PCDH15: variants seen among roughly 807,000 people sequenced by gnomAD.
The protein encoded by PCDH15 is protocadherin-15.
Under a neutral mutation model 178.5 loss-of-function variants are expected in PCDH15, and 129 were observed. That is an observed-to-expected ratio of 0.72 (90% CI 0.63 to 0.84). The LOEUF is 0.84. Among genes scored for constraint, PCDH15 ranks in the 40% least tolerant of loss-of-function variants. PCDH15 has a pLI of 0.00. For missense variants in PCDH15, 2,230 were observed against 2,099.9 expected, an observed-to-expected ratio of 1.06 and a Z score of -1.21; for synonymous variants, 800 against 732.0, an observed-to-expected ratio of 1.09 and a Z score of -1.50.
chr10:55,023,334 A>G (rs920035117), intron 2 of PCDH15, among the ~76,000 whole-genome samples: 1 of 152,216 alleles, frequency 6.6e-6, no homozygotes, highest in East Asian at 1.9e-4. Flanking sequence ...CTAATATTCA[A>G]ATAAAACAAA....
chr10:54,155,622 G>A (rs1179843338), intron 13 of PCDH15, among the ~76,000 whole-genome samples: 1 of 151,788 alleles, frequency 6.6e-6, no homozygotes, highest in African/African-American at 2.4e-5. Context: ...CACTGATTCT[G>A]AATACCCAAA....
rs781753578 is a variant in PCDH15, at chr10:53,959,851, A to G, written c.3010-7T>C. On this transcript the variant is annotated splice_polypyrimidine_tract_variant and splice_region_variant and intron_variant, in intron 22 of 37. Transcript: ENST00000644397. ...CAAAAGCAACCACCACCAACTTAAA[A>G]AGCAATAAAAATTCATGTTAAAGAT... 3.1e-6 allele frequency: 5 copies of G among 1,604,152 alleles called. No individual in the cohort carries two copies. The highest frequency in any genetic ancestry group is 4.3e-6 in the Non-Finnish European group (5 of 1,171,166).
chr10:54,678,912 C>T (rs950076988), intron 1 of PCDH15, among the ~76,000 whole-genome samples: 4 of 152,240 alleles, frequency 2.6e-5, no homozygotes, highest in South Asian at 4.1e-4. Flanking sequence ...TACAATTGGC[C>T]GGGCGCGGTG....
At chr10:55,182,518 T>A (rs1839678269) in intron 1 of PCDH15, among the ~76,000 whole-genome samples, 1 of 152,032 alleles carries the variant, frequency 6.6e-6, no homozygotes, top group East Asian at 1.9e-4. Flanking sequence ...TTACTTTACC[T>A]ATCAGTCCTT....
intron 1 of PCDH15, among the ~76,000 whole-genome samples, chr10:55,284,187 T>A (rs1450470719): frequency 6.8e-6 from 1 of 146,314 alleles, no homozygotes; most frequent in Non-Finnish European, 1.5e-5. Context: ...TTTAGATAGC[T>A]ACTCAGGCCT....
At chr10:54,488,528 T>A (rs1301677028) in intron 3 of PCDH15, among the ~76,000 whole-genome samples, 4 of 151,906 alleles carry the variant, frequency 2.6e-5, no homozygotes, top group African/African-American at 7.2e-5. Flanking sequence ...TAGACAAATC[T>A]AAACCCCATT....
chr10:55,430,744 C>A (rs1044800869), intron 2 of PCDH15, among the ~76,000 whole-genome samples: 7 of 152,096 alleles, frequency 4.6e-5, no homozygotes, highest in Non-Finnish European at 1.0e-4. Flanking sequence ...ATACCTAAGT[C>A]AAAAAGTTAA....
rs73235751 is a variant in PCDH15, at chr10:54,047,416, T to C, written c.2220+19341A>G. 4.6e-3 allele frequency among the ~76,000 whole-genome samples: 704 copies of C among 152,020 alleles called. 6 individuals are homozygous for C. Among genetic ancestry groups the C allele is most frequent in the Middle Eastern group, 0.02 (6 of 294 alleles). On this transcript the variant is annotated intron_variant, in intron 18 of 37. Coordinates refer to ENST00000644397, the MANE Select transcript of PCDH15 (RefSeq NM_001384140.1). ...TTTTTTTTTTTTATTTCAACTTTTA[T>C]TTAGATTCATGCATGGATGGTACAT...
intron 2 of PCDH15, among the ~76,000 whole-genome samples, chr10:55,091,005 G>A (rs1269152468): frequency 6.6e-6 from 1 of 151,812 alleles, no homozygotes; most frequent in Non-Finnish European, 1.5e-5. Flanking sequence ...GATCATCATA[G>A]ATACTGTTTA....
At position 54,649,493 on chromosome 10, in the gene PCDH15, G is replaced by A. The variant is rs144630127; in HGVS notation, c.91+14679C>T. On this transcript the variant is annotated intron_variant, in intron 2 of 37. Transcript: ENST00000644397. ...AAATATTGATGACTGTATTAACAAT[G>A]TTCTTTTTAAACATTATCTATGCCT... 7.2e-3 allele frequency among the ~76,000 whole-genome samples: 1,091 copies of A among 152,144 alleles called. 5 individuals carry two copies. Among genetic ancestry groups the A allele is most frequent in the South Asian group, 0.017 (81 of 4,826 alleles).
At chr10:54,025,745 C>T (rs1326845181) in intron 18 of PCDH15, among the ~76,000 whole-genome samples, 1 of 152,152 alleles carries the variant, frequency 6.6e-6, no homozygotes, top group East Asian at 1.9e-4. Context: ...GATCCACCCG[C>T]CTCGGCCTCC....
intron 1 of PCDH15, among the ~76,000 whole-genome samples, chr10:55,251,844 A>G (rs1841846620): frequency 6.6e-6 from 1 of 152,206 alleles, no homozygotes; most frequent in Admixed American, 6.5e-5. Flanking sequence ...ATGTCCAAAG[A>G]CAGTGAGTAG....
intron 3 of PCDH15, among the ~76,000 whole-genome samples, chr10:54,424,183 T>C (rs1332648580): frequency 6.6e-6 from 1 of 151,430 alleles, no homozygotes; most frequent in East Asian, 1.9e-4. Flanking sequence ...AACAAACCCA[T>C]CAAAAAGTGG....
chr10:55,411,981 T>C (rs1378095114), intron 2 of PCDH15, among the ~76,000 whole-genome samples: 2 of 152,056 alleles, frequency 1.3e-5, no homozygotes, highest in Non-Finnish European at 2.9e-5. Context: ...TGGGAATGAT[T>C]GGCTATTTAG....
chr10:54,696,330 G>A (rs377063978), intron 1 of PCDH15, among the ~76,000 whole-genome samples: 1 of 152,052 alleles, frequency 6.6e-6, no homozygotes, highest in Non-Finnish European at 1.5e-5. Context: ...TGACTGAATT[G>A]CTGCAATCTC....
intron 26 of PCDH15, among the ~76,000 whole-genome samples, chr10:53,882,566 T>C (rs2080804358): frequency 6.6e-6 from 1 of 152,178 alleles, no homozygotes; most frequent in Non-Finnish European, 1.5e-5. Context: ...TTTCATCATG[T>C]TGGCCAGTCT....
chr10:55,172,741 C>CA (rs924177723), intron 1 of PCDH15, among the ~76,000 whole-genome samples: 1 of 151,482 alleles, frequency 6.6e-6, no homozygotes, highest in East Asian at 1.9e-4. Context: ...TAGGATGTAA[C>CA]AAAAAAACTA....
intron 5 of PCDH15, among the ~76,000 whole-genome samples, chr10:54,368,103 AG>A (rs2134682682): frequency 6.6e-6 from 1 of 152,134 alleles, no homozygotes; most frequent in Non-Finnish European, 1.5e-5. Context: ...AAATTTAAAT[AG>A]GAGTTTGTAT....
At chr10:55,467,984 A>AAAAAAAAAAAAAAAAAAAAAC in intron 2 of PCDH15, among the ~76,000 whole-genome samples, 1 of 148,680 alleles carries the variant, frequency 6.7e-6, no homozygotes, top group Non-Finnish European at 1.5e-5. Flanking sequence ...AAAAAAAAAA[A>AAAAAAAAAAAAAAAAAAAAAC]AAAAAAAGAA....
Sources: gnomAD v4.1 joint callset for allele counts (sites outside exome capture counted in the v4.1 genomes callset) on GRCh38, gnomAD v4.1.1 for gene constraint, MANE v1.5 for transcripts, NCBI Gene and HGNC (gene_info 2026-07-23, HGNC 2026-07-21) for gene names.